KLF13: variants seen among roughly 807,000 people sequenced by gnomAD.
The protein encoded by KLF13 is KLF transcription factor 13, also known as Krueppel-like factor 13.
A neutral mutation model predicts 16.7 loss-of-function variants in KLF13; 8 were observed. That is an observed-to-expected ratio of 0.48 (90% CI 0.28 to 0.87). KLF13 has a LOEUF of 0.87. Ranked by LOEUF, KLF13 falls within the 40% of genes least tolerant of loss-of-function variation. The probability of loss-of-function intolerance (pLI) is 0.10; values close to 1 mark genes in which losing one functional copy is unlikely to be tolerated. For synonymous variants in KLF13, 245 were observed against 208.4 expected, an observed-to-expected ratio of 1.18 and a Z score of -1.51; for missense variants, 447 against 452.2, an observed-to-expected ratio of 0.99 and a Z score of 0.10.
At chr15:31,349,188 CT>C (rs2039176944) in intron 1 of KLF13, among the ~76,000 whole-genome samples, 1 of 152,154 alleles carries the variant, frequency 6.6e-6, no homozygotes, top group Non-Finnish European at 1.5e-5. Context: ...CTCATGGCAG[CT>C]TTTTTGCCCC....
chr15:31,387,811 C>T (rs746355262), intron 1 of KLF13, among the ~76,000 whole-genome samples: 28 of 152,220 alleles, frequency 1.8e-4, no homozygotes, highest in Non-Finnish European at 4.0e-4. Context: ...GCACAGATGT[C>T]CGTGACAGGG....
chr15:31,359,217 A>G (rs979166959), intron 1 of KLF13, among the ~76,000 whole-genome samples: 2 of 152,140 alleles, frequency 1.3e-5, no homozygotes, highest in African/African-American at 4.8e-5. Context: ...CGTGAAGGAG[A>G]GAAGCTCCAG....
intron 1 of KLF13, among the ~76,000 whole-genome samples, chr15:31,369,096 A>G (rs549217565): frequency 6.6e-6 from 1 of 152,290 alleles, no homozygotes; most frequent in African/African-American, 2.4e-5. Flanking sequence ...CTCTTCCTAA[A>G]TTGATGGATG....
chr15:31,433,225 C>CA (rs1313116063), intron 1 of KLF13, among the ~76,000 whole-genome samples: 3 of 152,148 alleles, frequency 2.0e-5, no homozygotes, highest in Non-Finnish European at 2.9e-5. Context: ...TGCCCAATGG[C>CA]CAGTGAATCA....
chr15:31,421,997 C>A (rs1329290279), intron 1 of KLF13, among the ~76,000 whole-genome samples: 2 of 151,938 alleles, frequency 1.3e-5, no homozygotes, highest in Non-Finnish European at 2.9e-5. Context: ...CACCTGTAAT[C>A]CCAGCTACTC....
chr15:31,414,370 A>G (rs1465484743), intron 1 of KLF13, among the ~76,000 whole-genome samples: 2 of 152,226 alleles, frequency 1.3e-5, no homozygotes, highest in African/African-American at 4.8e-5. Flanking sequence ...ATCTAATTAT[A>G]TCAATAATAT....
chr15:31,347,816 T>C (rs1342693354), intron 1 of KLF13, among the ~76,000 whole-genome samples: 1 of 152,240 alleles, frequency 6.6e-6, no homozygotes, highest in Non-Finnish European at 1.5e-5. Context: ...GCATATAGGC[T>C]GCAGGGGTTG....
intron 1 of KLF13, among the ~76,000 whole-genome samples, chr15:31,418,525 A>G (rs1355413609): frequency 6.6e-6 from 1 of 152,204 alleles, no homozygotes; most frequent in Non-Finnish European, 1.5e-5. Flanking sequence ...AAATAACACT[A>G]TCAAGAATGA....
exon 1 of KLF13, chr15:31,393,166 G>C (rs1368598921): frequency 6.6e-6 from 1 of 152,290 alleles, no homozygotes; most frequent in Non-Finnish European, 1.5e-5. Context: ...TGGCACCTGC[G>C]TCTCTCCCAG....
downstream of KLF13, among the ~76,000 whole-genome samples, chr15:31,409,298 A>C (rs369044619): frequency 1.3e-5 from 2 of 152,110 alleles, no homozygotes; most frequent in African/African-American, 4.8e-5. Flanking sequence ...AAAACCCCAA[A>C]AAACAAACAA....
chr15:31,339,589 G>C (rs1021287095), intron 1 of KLF13, among the ~76,000 whole-genome samples: 1 of 152,218 alleles, frequency 6.6e-6, no homozygotes, highest in Non-Finnish European at 1.5e-5. Context: ...CCTGTGGGGG[G>C]TTCAGATACC....
intron 1 of KLF13, among the ~76,000 whole-genome samples, chr15:31,333,397 G>A (rs2140931893): frequency 6.6e-6 from 1 of 152,234 alleles, no homozygotes; most frequent in Middle Eastern, 3.4e-3. Flanking sequence ...AGGTGAGCAG[G>A]GCCCTGTGGT....
chr15:31,350,862 C>T (rs2140947643), intron 1 of KLF13, among the ~76,000 whole-genome samples: 1 of 152,384 alleles, frequency 6.6e-6, no homozygotes, highest in South Asian at 2.1e-4. Flanking sequence ...ACTCTTCGCC[C>T]AGGCGCCTTC....
chr15:31,409,574 C>T (rs766164370), downstream of KLF13, among the ~76,000 whole-genome samples: 7 of 151,948 alleles, frequency 4.6e-5, no homozygotes, highest in African/African-American at 1.2e-4. Flanking sequence ...ACCACACTTA[C>T]GTATGTCATA....
intron 1 of KLF13, among the ~76,000 whole-genome samples, chr15:31,348,865 C>T (rs2039169908): frequency 6.6e-6 from 1 of 152,136 alleles, no homozygotes; most frequent in South Asian, 2.1e-4. Flanking sequence ...GGTGAGGACC[C>T]TCTTCCTGGT....
intron 1 of KLF13, among the ~76,000 whole-genome samples, chr15:31,386,776 G>T (rs1166244248): frequency 6.6e-6 from 1 of 152,226 alleles, no homozygotes; most frequent in Non-Finnish European, 1.5e-5. Context: ...CACAGTTGAT[G>T]ACTTTAAGTT....
At position 31,327,608 on chromosome 15, in the gene KLF13, G is replaced by A. The variant is rs2038738789; in HGVS notation, c.396G>A (p.Glu132=). 1 of 1,316,566 alleles carries A rather than the reference G, an allele frequency of 7.6e-7. No individual in the cohort carries two copies. The highest frequency in any genetic ancestry group is 9.8e-7 in the Non-Finnish European group (1 of 1,018,074). The allele number at this position is 1,316,566 out of a possible 1,614,324, so 81.6% of individuals were successfully genotyped here. ...AGCCGGAGCCCGAGGCGGGGCTGGA[G>A]CCCGAGCGGGAGCCGGGGCCCGCGG... ...WSEPEPEAGL[E]PEREPGPAGS... The change falls in exon 1 of 2, where the codon GAG becomes GAA. Residue 132 remains glutamate (E), a synonymous_variant. Coordinates refer to ENST00000307145, the MANE Select transcript of KLF13 (RefSeq NM_015995.4).
chr15:31,341,349 C>T (rs1444307473), intron 1 of KLF13, among the ~76,000 whole-genome samples: 2 of 151,988 alleles, frequency 1.3e-5, no homozygotes, highest in Non-Finnish European at 2.9e-5. Context: ...TGTGTGTTCA[C>T]GTGTGTGTAC....
chr15:31,351,064 C>T (rs1034164396), intron 1 of KLF13, among the ~76,000 whole-genome samples: 6 of 152,144 alleles, frequency 3.9e-5, no homozygotes, highest in African/African-American at 7.2e-5. Context: ...CTGGACCTGG[C>T]GCAGATTCTG....
Sources: allele counts gnomAD v4.1 joint callset (sites outside exome capture counted in the v4.1 genomes callset), GRCh38; gene constraint gnomAD v4.1.1; transcripts MANE v1.5; gene names NCBI Gene and HGNC (gene_info 2026-07-23, HGNC 2026-07-21).